Variants in NADSYN1 observed in about 807,000 individuals in gnomAD.
NADSYN1 encodes the protein glutamine-dependent NAD(+) synthetase.
NADSYN1 carries 80 observed loss-of-function variants against 99.3 expected under a neutral mutation model. The observed-to-expected ratio is 0.81, with a 90% CI of 0.67 to 0.97. The LOEUF (loss-of-function observed/expected upper bound fraction) is 0.97, where lower values mean the gene tolerates loss of function less well. NADSYN1 is among the 50% of genes least tolerant of loss of function. The pLI is 0.00. For synonymous variants in NADSYN1, 385 were observed against 372.1 expected, an observed-to-expected ratio of 1.03 and a Z score of -0.40; for missense variants, 859 against 948.5, an observed-to-expected ratio of 0.91 and a Z score of 1.24.
chr11:71,478,797 G>A (rs1278354057), intron 10 of NADSYN1: 1 of 294,612 alleles, frequency 3.4e-6, no homozygotes, highest in African/African-American at 2.1e-5. Flanking sequence ...GCCTCAAGGT[G>A]AGGGGTGGCA....
intron 18 of NADSYN1, among the ~76,000 whole-genome samples, chr11:71,493,593 A>AT (rs61188580): frequency 6.6e-6 from 1 of 152,070 alleles, no homozygotes; most frequent in African/African-American, 2.4e-5. Context: ...AAAAAAAATC[A>AT]TTTTTTTAAT....
intron 10 of NADSYN1, 126 bp from the exon 11 acceptor site, chr11:71,480,629 G>A: frequency 7.3e-7 from 1 of 1,365,844 alleles, no homozygotes; most frequent in Non-Finnish European, 1.0e-6. Context: ...GGGAGTGAGG[G>A]TGGCCTCACT....
chr11:71,477,098 C>T (rs908335817), intron 9 of NADSYN1: 59 of 1,121,678 alleles, frequency 5.3e-5, no homozygotes, highest in African/African-American at 6.6e-5. Flanking sequence ...CAGAGTCACC[C>T]CTTCTGCCTC....
At chr11:71,463,292 G>T in intron 3 of NADSYN1, 140 bp from the exon 4 acceptor site, 1 of 723,184 alleles carries the variant, frequency 1.4e-6, no homozygotes, top group Non-Finnish European at 2.3e-6. Context: ...CCACAGAAGA[G>T]CCTTGCAGTT....
chr11:71,454,745 C>T (rs1411681742), intron 1 of NADSYN1, among the ~76,000 whole-genome samples: 1 of 152,186 alleles, frequency 6.6e-6, no homozygotes, highest in African/African-American at 2.4e-5. Context: ...TGGTGTTGGG[C>T]ATTTCCTTGT....
chr11:71,456,083 A>G (rs141630294), intron 2 of NADSYN1, among the ~76,000 whole-genome samples: 1 of 152,238 alleles, frequency 6.6e-6, no homozygotes, highest in Non-Finnish European at 1.5e-5. Flanking sequence ...TGGGATCTGG[A>G]AGTTCCTCTT....
At chr11:71,476,241 T>G in intron 9 of NADSYN1, 1 of 384,084 alleles carries the variant, frequency 2.6e-6, no homozygotes, top group South Asian at 1.9e-5. Flanking sequence ...CCTTCCACTC[T>G]GCTCTTGTTG....
chr11:71,464,450 C>A, intron 5 of NADSYN1: 1 of 267,660 alleles, frequency 3.7e-6, no homozygotes, highest in Non-Finnish European at 7.2e-6. Context: ...TTGGTGTGAG[C>A]CCCATGTAAA....
At chr11:71,474,311 G>A (rs1123007) in intron 8 of NADSYN1, 84 bp from the exon 9 acceptor site, 359,909 of 1,569,948 alleles carry the variant, frequency 0.23, 47,655 homozygotes, top group South Asian at 0.46. Context: ...GCGGGACTCG[G>A]CGGAGGTTCC....
chr11:71,486,033 TCC>T (rs1028831980), intron 16 of NADSYN1, among the ~76,000 whole-genome samples: 1 of 152,170 alleles, frequency 6.6e-6, no homozygotes, highest in African/African-American at 2.4e-5. Flanking sequence ...CTGAAAATAC[TCC>T]CCTTCTCATA....
At chr11:71,471,312 G>C (rs769032241) in intron 5 of NADSYN1, among the ~76,000 whole-genome samples, 7 of 152,224 alleles carry the variant, frequency 4.6e-5, no homozygotes, top group African/African-American at 1.7e-4. Context: ...TGTGCCGAAT[G>C]ATGACAAGAA....
chr11:71,455,166 A>G lies in NADSYN1; in HGVS notation c.142A>G (p.Ile48Val). The change falls in exon 2 of 21, where the codon ATA (isoleucine) becomes GTA (valine). Residue 48 changes from isoleucine to valine, a missense_variant. Transcript: ENST00000319023. ...ARYRLGPELEICGYGCWDHYY... is the reference protein window; with the variant it reads ...ARYRLGPELEVCGYGCWDHYY... The stretch of plus-strand genomic sequence containing the variant: ...ATACAGGCTTGGACCAGAGCTGGAA[A>G]TATGGTGAGAACAGACACAGACACC... The G allele has an allele frequency of 6.2e-7, 1 of 1,613,830 alleles. No individual in the cohort carries two copies. Among genetic ancestry groups the G allele is most frequent in the Non-Finnish European group, 8.5e-7 (1 of 1,179,764 alleles).
chr11:71,470,697 T>C (rs1565599120), intron 5 of NADSYN1, among the ~76,000 whole-genome samples: 1 of 152,226 alleles, frequency 6.6e-6, no homozygotes, highest in Non-Finnish European at 1.5e-5. Context: ...TTATTTTTTA[T>C]GATACCTGTA....
rs201510220 is a variant in NADSYN1, at chr11:71,473,576, A to G, written c.556A>G (p.Ile186Val). Residue 186 changes from isoleucine (I) to valine (V), a missense_variant, in exon 8 of 21, where the codon ATC (isoleucine) becomes GTC (valine). Coordinates refer to ENST00000319023, the MANE Select transcript of NADSYN1 (RefSeq NM_018161.5). ...EELWTPHSPH[I>V]DMGLDGVEII... ...ACCTGCCTCTGCCTGCAGCCCGCACATCGACATGGGCCTGGATGGCGTGGA... is the reference window on the plus strand; with the variant it reads ...ACCTGCCTCTGCCTGCAGCCCGCACGTCGACATGGGCCTGGATGGCGTGGA... The G allele has an allele frequency of 1.9e-5, 31 of 1,609,974 alleles. No homozygotes were observed. Among genetic ancestry groups the G allele is most frequent in the Admixed American group, 3.3e-5 (2 of 59,876 alleles).
chr11:71,483,810 G>A (rs1015090789), intron 14 of NADSYN1, among the ~76,000 whole-genome samples: 12 of 152,206 alleles, frequency 7.9e-5, no homozygotes, highest in Admixed American at 5.2e-4. Context: ...TCAGATGAAC[G>A]GAGGAAGAAA....
chr11:71,460,873 C>G (rs1016643822), intron 3 of NADSYN1: 1 of 152,176 alleles, frequency 6.6e-6, no homozygotes, highest in Non-Finnish European at 1.5e-5. Context: ...GGTGCACCAT[C>G]CTTAGTTCTG....
At chr11:71,475,698 G>A (rs3794057) in intron 9 of NADSYN1, 67,935 of 243,088 alleles carry the variant, frequency 0.28, 10,819 homozygotes, top group South Asian at 0.46. Flanking sequence ...GGGGAGGTTT[G>A]GGCCACTCTC....
chr11:71,497,455 T>C (rs770948228), intron 18 of NADSYN1, 28 bp from the exon 19 acceptor site: 2 of 1,613,908 alleles, frequency 1.2e-6, no homozygotes, highest in Non-Finnish European at 1.7e-6. Context: ...CTTGCTGTCA[T>C]CATGGAACAG....
chr11:71,488,608 C>T (rs12574554), intron 16 of NADSYN1, among the ~76,000 whole-genome samples: 12,561 of 150,902 alleles, frequency 0.083, 620 homozygotes, highest in African/African-American at 0.14. Context: ...GGAGGGGAGG[C>T]GCAGGATAGG....
Sources: gnomAD v4.1 joint callset for allele counts (sites outside exome capture counted in the v4.1 genomes callset) on GRCh38, gnomAD v4.1.1 for gene constraint, MANE v1.5 for transcripts, NCBI Gene and HGNC (gene_info 2026-07-23, HGNC 2026-07-21) for gene names.